OXCT1: variants seen among roughly 807,000 people sequenced by gnomAD.
OXCT1 encodes the protein succinyl-CoA:3-ketoacid coenzyme A transferase 1, mitochondrial.
A neutral mutation model predicts 69.6 loss-of-function variants in OXCT1; 27 were observed. That is an observed-to-expected ratio of 0.39 (90% CI 0.29 to 0.54). The LOEUF is 0.54. Among genes scored for constraint, OXCT1 ranks in the 20% least tolerant of loss-of-function variants. OXCT1 has a pLI of 0.72. For synonymous variants in OXCT1, 202 were observed against 217.8 expected, an observed-to-expected ratio of 0.93 and a Z score of 0.64; for missense variants, 437 against 650.2, an observed-to-expected ratio of 0.67 and a Z score of 3.57.
chr5:41,854,018 C>CT (rs1358848526), intron 3 of OXCT1, among the ~76,000 whole-genome samples: 1 of 152,120 alleles, frequency 6.6e-6, no homozygotes, highest in African/African-American at 2.4e-5. Flanking sequence ...TGGAGAAGCT[C>CT]TTTCACTTCT....
chr5:41,765,005 T>C (rs1285083181), intron 13 of OXCT1, among the ~76,000 whole-genome samples: 2 of 152,158 alleles, frequency 1.3e-5, no homozygotes, highest in Admixed American at 1.3e-4. Context: ...TTTCCCTCCA[T>C]TTCAATTCCC....
intron 7 of OXCT1, among the ~76,000 whole-genome samples, chr5:41,835,326 A>G (rs1450722372): frequency 2.0e-5 from 3 of 152,254 alleles, no homozygotes; most frequent in African/African-American, 7.2e-5. Flanking sequence ...TACACCTACT[A>G]TGTATCCACA....
At chr5:41,784,876 A>C (rs979787609) in intron 13 of OXCT1, among the ~76,000 whole-genome samples, 2 of 152,352 alleles carry the variant, frequency 1.3e-5, no homozygotes, top group South Asian at 4.1e-4. Context: ...GGATCTTTCA[A>C]GTAAGAGAAA....
At chr5:41,845,103 A>T (rs767573810) in intron 5 of OXCT1, among the ~76,000 whole-genome samples, 14 of 152,076 alleles carry the variant, frequency 9.2e-5, no homozygotes, top group Admixed American at 7.2e-4. Flanking sequence ...GCCTCTCTTC[A>T]ATCTCCATCC....
At chr5:41,774,112 A>C (rs1201362162) in intron 13 of OXCT1, among the ~76,000 whole-genome samples, 2 of 152,220 alleles carry the variant, frequency 1.3e-5, no homozygotes, top group Non-Finnish European at 2.9e-5. Context: ...GTAATTGCTA[A>C]AATGTCACTA....
intron 4 of OXCT1, among the ~76,000 whole-genome samples, 172 bp downstream of exon 4, chr5:41,853,247 A>G (rs926940719): frequency 1.3e-5 from 2 of 152,202 alleles, no homozygotes; most frequent in African/African-American, 4.8e-5. Context: ...ACACAGTAGA[A>G]GAAAATATTA....
chr5:41,850,734 A>G (rs866879142), intron 4 of OXCT1, among the ~76,000 whole-genome samples: 1 of 152,224 alleles, frequency 6.6e-6, no homozygotes. Flanking sequence ...AGCCAAGAGT[A>G]CATCAAATTG....
At chr5:41,850,688 T>A (rs951614009) in intron 4 of OXCT1, among the ~76,000 whole-genome samples, 1 of 152,136 alleles carries the variant, frequency 6.6e-6, no homozygotes, top group African/African-American at 2.4e-5. Context: ...AAAAACAAAG[T>A]GAAAAATACA....
At chr5:41,858,193 A>C (rs1424711369) in intron 3 of OXCT1, among the ~76,000 whole-genome samples, 1 of 152,188 alleles carries the variant, frequency 6.6e-6, no homozygotes, top group Non-Finnish European at 1.5e-5. Flanking sequence ...CCAGTTCTTC[A>C]GGTCTTGAAA....
At chr5:41,794,785 A>T (rs1443350612) in intron 11 of OXCT1, 36 bp from the exon 12 acceptor site, 2 of 1,597,762 alleles carry the variant, frequency 1.3e-6, no homozygotes, top group East Asian at 4.5e-5. Flanking sequence ...AGAAAAGGCT[A>T]TTAGATTTCT....
intron 15 of OXCT1, among the ~76,000 whole-genome samples, chr5:41,740,752 C>A (rs1279192973): frequency 1.3e-5 from 2 of 152,126 alleles, no homozygotes; most frequent in East Asian, 3.8e-4. Flanking sequence ...TGAAGGGAAG[C>A]TCAAACCTTA....
intron 14 of OXCT1, among the ~76,000 whole-genome samples, chr5:41,758,274 T>A (rs542667284): frequency 3.3e-5 from 5 of 152,210 alleles, no homozygotes; most frequent in East Asian, 1.9e-4. Flanking sequence ...GGGGGAATGA[T>A]GATTTAGTTG....
chr5:41,772,946 T>A (rs1051732087), intron 13 of OXCT1, among the ~76,000 whole-genome samples: 1 of 152,090 alleles, frequency 6.6e-6, no homozygotes, highest in South Asian at 2.1e-4. Context: ...GAAAAGCACA[T>A]CCTCCTTGTG....
At chr5:41,844,448 C>A (rs575223666) in intron 5 of OXCT1, among the ~76,000 whole-genome samples, 2 of 152,188 alleles carry the variant, frequency 1.3e-5, no homozygotes, top group Admixed American at 1.3e-4. Context: ...TTGCCAGATG[C>A]CCCTGGGTTT....
intron 7 of OXCT1, among the ~76,000 whole-genome samples, chr5:41,819,244 G>A (rs1747408302): frequency 6.6e-6 from 1 of 151,956 alleles, no homozygotes; most frequent in South Asian, 2.1e-4. Flanking sequence ...TTTTTTTTTA[G>A]GAGAACATCC....
chr5:41,758,775 G>A (rs1467049276), intron 14 of OXCT1, among the ~76,000 whole-genome samples: 1 of 152,094 alleles, frequency 6.6e-6, no homozygotes, highest in Non-Finnish European at 1.5e-5. Context: ...ATCAGACAGA[G>A]GGGGCATAGA....
chr5:41,844,639 T>G (rs1172664399), intron 5 of OXCT1, among the ~76,000 whole-genome samples: 1 of 152,052 alleles, frequency 6.6e-6, no homozygotes, highest in Non-Finnish European at 1.5e-5. Flanking sequence ...TCCCCTGATA[T>G]GACGTTCACT....
intron 14 of OXCT1, among the ~76,000 whole-genome samples, chr5:41,759,628 C>T (rs1481923804): frequency 2.0e-5 from 3 of 152,054 alleles, no homozygotes; most frequent in Non-Finnish European, 4.4e-5. Context: ...CTGCTGGAGT[C>T]TGAACTAAAG....
At chr5:41,856,263 G>T (rs990563300) in intron 3 of OXCT1, among the ~76,000 whole-genome samples, 1 of 152,150 alleles carries the variant, frequency 6.6e-6, no homozygotes, top group African/African-American at 2.4e-5. Context: ...GGGTCTTTGG[G>T]GGAAATAATT....
Sources: allele counts gnomAD v4.1 joint callset (sites outside exome capture counted in the v4.1 genomes callset), GRCh38; gene constraint gnomAD v4.1.1; transcripts MANE v1.5; gene names NCBI Gene and HGNC (gene_info 2026-07-23, HGNC 2026-07-21).